CENPN: variants seen among roughly 807,000 people sequenced by gnomAD.
CENPN encodes interphase centromere complex protein 32.
A neutral mutation model predicts 48.6 loss-of-function variants in CENPN; 36 were observed. That is an observed-to-expected ratio of 0.74 (90% CI 0.57 to 0.98). The LOEUF (loss-of-function observed/expected upper bound fraction) is 0.98. CENPN is among the 50% of genes least tolerant of loss of function. The pLI is 0.00. For synonymous variants in CENPN, 166 were observed against 135.2 expected (o/e 1.23, Z -1.58); for missense variants, 439 against 399.2 (o/e 1.10, Z -0.85).
In CENPN at chr16:81,012,124, A is replaced by G. The variant is rs756942524; in HGVS notation, c.171+14A>G. 3 of 1,612,554 alleles carry G rather than the reference A, an allele frequency of 1.9e-6. No individual in the cohort carries two copies. The Admixed American group carries it at 5.0e-5, about 27-fold the overall frequency. On this transcript the variant is annotated intron_variant, in intron 2 of 10. Coordinates refer to ENST00000305850, the MANE Select transcript of CENPN (RefSeq NM_001100624.3). ...CATCTGTGTGAGGTAACAGTGTTAA[A>G]AATGATGAGCCTTGAACAGAGTGCT...
chr16:81,017,448 T>G, intron 4 of CENPN, 63 bp downstream of exon 4: 1 of 1,148,766 alleles, frequency 8.7e-7, no homozygotes, highest in Non-Finnish European at 1.3e-6. Context: ...AAGCAGAGGT[T>G]ACAGCGAGCT....
chr16:81,011,657 A>G (rs9936366), intron 1 of CENPN, among the ~76,000 whole-genome samples: 35,036 of 152,132 alleles, frequency 0.23, 4,289 homozygotes, highest in East Asian at 0.42. Context: ...AAAATAGCTG[A>G]AAAAGTGTAA....
chr16:81,028,752 T>G lies in CENPN; in HGVS notation c.*101T>G. The stretch of plus-strand genomic sequence containing the variant: ...AGCTTCCGTCTGTAAACTTGTATTT[T>G]CAAGAATCCTTGGTATTGAATTTTT... On this transcript the variant is annotated 3_prime_UTR_variant, in exon 11 of 11. Coordinates refer to ENST00000305850, the MANE Select transcript of CENPN (RefSeq NM_001100624.3). 6.7e-7 allele frequency: 1 copy of G among 1,490,244 alleles called. No individual in the cohort carries two copies. The highest frequency in any genetic ancestry group is 8.9e-7 in the Non-Finnish European group (1 of 1,125,314). The allele number at this position is 1,490,244 out of a possible 1,614,324, so 92.3% of individuals were successfully genotyped here. A position where few individuals can be genotyped will look rare whatever the true frequency, so the allele number is the denominator to read the frequency against.
intron 5 of CENPN, among the ~76,000 whole-genome samples, chr16:81,018,203 G>C (rs546356919): frequency 6.6e-6 from 1 of 151,614 alleles, no homozygotes; most frequent in East Asian, 1.9e-4. Context: ...TTGAGACAGA[G>C]TCTTACTCTG....
At chr16:81,008,624 G>T (rs1293018757) in intron 1 of CENPN, among the ~76,000 whole-genome samples, 1 of 152,094 alleles carries the variant, frequency 6.6e-6, no homozygotes, top group Admixed American at 6.5e-5. Flanking sequence ...CACCACGCCC[G>T]GCGCGCTCCC....
intron 8 of CENPN, 129 bp downstream of exon 8, chr16:81,024,907 A>C (rs750054665): frequency 7.7e-6 from 4 of 521,374 alleles, no homozygotes; most frequent in Non-Finnish European, 1.3e-5. Flanking sequence ...AAAATTGAAA[A>C]GTAAATATCT....
At chr16:81,018,080 G>C (rs1970007376) in intron 5 of CENPN, among the ~76,000 whole-genome samples, 2 of 152,094 alleles carry the variant, frequency 1.3e-5, no homozygotes, top group African/African-American at 4.8e-5. Flanking sequence ...TTTCTGCAGT[G>C]ATGGAAATGC....
chr16:81,009,066 G>A (rs761112533), intron 1 of CENPN, among the ~76,000 whole-genome samples: 17 of 152,132 alleles, frequency 1.1e-4, no homozygotes, highest in Non-Finnish European at 1.8e-4. Flanking sequence ...AATTAGTTGG[G>A]TGTCATGGTG....
At chr16:81,017,696 T>C in intron 4 of CENPN, 62 bp from the exon 5 acceptor site, 1 of 1,134,362 alleles carries the variant, frequency 8.8e-7, no homozygotes, top group Non-Finnish European at 1.3e-6. Context: ...ACTTTACGAA[T>C]GTATTTACTG....
chr16:81,013,712 C>G (rs1597308299), intron 2 of CENPN, among the ~76,000 whole-genome samples: 2 of 151,638 alleles, frequency 1.3e-5, no homozygotes, highest in Non-Finnish European at 1.5e-5. Flanking sequence ...TAGAGCAAGA[C>G]TCTGTCTCCA....
In CENPN at chr16:81,031,073, T is replaced by C. The variant is rs1178745993; in HGVS notation, c.*2422T>C. Reference sequence around the variant, plus strand: ...TAAAAAATAAATAAATAAAATAAAATAAATGACATCACTTTGGTTCAGAGC... The same window carrying C: ...TAAAAAATAAATAAATAAAATAAAACAAATGACATCACTTTGGTTCAGAGC... On this transcript the variant is annotated 3_prime_UTR_variant, in exon 11 of 11. Coordinates refer to ENST00000305850, the MANE Select transcript of CENPN (RefSeq NM_001100624.3). 6.6e-6 allele frequency: 1 copy of C among 150,822 alleles called. No individual in the cohort carries two copies. The highest frequency in any genetic ancestry group is 1.5e-5 in the Non-Finnish European group (1 of 67,766). The allele number at this position is 150,822 out of a possible 1,614,324, so 9.3% of individuals were successfully genotyped here.
intron 1 of CENPN, 77 bp from the exon 2 acceptor site, chr16:81,011,853 A>G (rs980144742): frequency 3.8e-5 from 45 of 1,181,324 alleles, no homozygotes; most frequent in Non-Finnish European, 8.6e-6. Flanking sequence ...TCATATGTGT[A>G]TGTGTATGTG....
Position 81,024,766 on chromosome 16 carries a change from C to G in CENPN, c.685C>G (p.Leu229Val), listed in dbSNP as rs754085941. 2 of 1,607,180 alleles carry G rather than the reference C, an allele frequency of 1.2e-6. No homozygotes were observed. The highest frequency in any genetic ancestry group is 1.7e-6 in the Non-Finnish European group (2 of 1,174,940). ...ACCTCTACAGGAAAGAAGCCTTGGACTAGATATAAATAGTACGTGTGTGTT... is the reference window on the plus strand; with the variant it reads ...ACCTCTACAGGAAAGAAGCCTTGGAGTAGATATAAATAGTACGTGTGTGTT... ...TTPLQERSLG[L>V]DINMDSRIIH... The change falls in exon 8 of 11, where the codon CTA (leucine) becomes GTA (valine). Residue 229 changes from leucine (L) to valine (V), a missense_variant. Leu to Val is a conservative substitution (Grantham distance 32). Transcript: ENST00000305850.
downstream of CENPN, among the ~76,000 whole-genome samples, chr16:81,032,271 C>T (rs1396314806): frequency 1.3e-5 from 2 of 152,178 alleles, no homozygotes; most frequent in Non-Finnish European, 2.9e-5. Context: ...TTTCATAAGG[C>T]CTGCCCCTCA....
intron 5 of CENPN, among the ~76,000 whole-genome samples, chr16:81,019,201 C>G (rs1236389301): frequency 6.6e-6 from 1 of 151,786 alleles, no homozygotes; most frequent in African/African-American, 2.4e-5. Flanking sequence ...TCTTCTTTTT[C>G]TTCTTCTTTT....
In CENPN at chr16:81,014,228, G is replaced by C. The variant is rs116632380; in HGVS notation, c.217+47G>C. On this transcript the variant is annotated intron_variant, in intron 3 of 10. Coordinates refer to ENST00000305850, the MANE Select transcript of CENPN (RefSeq NM_001100624.3). Reference sequence around the variant, plus strand: ...TTATACTTAACCAATCAGTTTATTAGAGGCAATTTTGTTTCTTTCTTTGTG... The same window carrying C: ...TTATACTTAACCAATCAGTTTATTACAGGCAATTTTGTTTCTTTCTTTGTG... The C allele has an allele frequency of 2.7e-3, 4,199 of 1,537,024 alleles. 93 individuals are homozygous for C. In the African/African-American group the frequency reaches 0.048, roughly 18 times the overall value.
At chr16:81,026,950 CT>C (rs768103713) in intron 9 of CENPN, among the ~76,000 whole-genome samples, 1 of 151,798 alleles carries the variant, frequency 6.6e-6, no homozygotes, top group Non-Finnish European at 1.5e-5. Flanking sequence ...GCCACCTCAC[CT>C]GGCTAATTTT....
intron 2 of CENPN, among the ~76,000 whole-genome samples, chr16:81,013,668 C>A (rs1969829247): frequency 6.6e-6 from 1 of 151,962 alleles, no homozygotes; most frequent in Non-Finnish European, 1.5e-5. Context: ...TTGCAGTGAG[C>A]TAAGATTGCG....
intron 6 of CENPN, among the ~76,000 whole-genome samples, chr16:81,021,951 G>A: frequency 6.6e-6 from 1 of 152,200 alleles, no homozygotes; most frequent in Non-Finnish European, 1.5e-5. Flanking sequence ...TGGAGGTGGG[G>A]TTTCACCATG....
Sources: allele counts gnomAD v4.1 joint callset (sites outside exome capture counted in the v4.1 genomes callset), GRCh38; gene constraint gnomAD v4.1.1; transcripts MANE v1.5; gene names NCBI Gene and HGNC (gene_info 2026-07-23, HGNC 2026-07-21).